GLIS1: variants seen among roughly 807,000 people sequenced by gnomAD.
GLIS1 encodes the protein zinc finger protein GLIS1.
GLIS1 carries 24 observed loss-of-function variants against 63.8 expected under a neutral mutation model. The ratio of observed to expected loss-of-function variants is 0.38; its 90% CI spans 0.27 to 0.53. GLIS1 has a LOEUF of 0.53. Among genes scored for constraint, GLIS1 ranks in the 20% least tolerant of loss-of-function variants. The pLI is 0.85. For synonymous variants in GLIS1, 450 were observed against 482.5 expected (o/e 0.93, Z 0.88); for missense variants, 1,036 against 1,074.1 (o/e 0.96, Z 0.50).
intron 2 of GLIS1, among the ~76,000 whole-genome samples, chr1:53,647,197 G>A (rs1645856168): frequency 6.6e-6 from 1 of 152,084 alleles, no homozygotes; most frequent in African/African-American, 2.4e-5. Context: ...ATCCCAGCAG[G>A]TTCTTTTTGT....
intron 2 of GLIS1, among the ~76,000 whole-genome samples, chr1:53,685,676 C>CT (rs1411681244): frequency 1.3e-5 from 2 of 152,316 alleles, no homozygotes; most frequent in Non-Finnish European, 2.9e-5. Context: ...CTGTGACTGT[C>CT]TCCCTCACCC....
At chr1:53,620,664 T>TA (rs952251613) in intron 2 of GLIS1, among the ~76,000 whole-genome samples, 1 of 152,110 alleles carries the variant, frequency 6.6e-6, no homozygotes, top group African/African-American at 2.4e-5. Context: ...AACATGGACA[T>TA]AAACAAGGAG....
At chr1:53,571,045 A>C (rs1201953568) in intron 4 of GLIS1, among the ~76,000 whole-genome samples, 2 of 152,256 alleles carry the variant, frequency 1.3e-5, no homozygotes, top group Non-Finnish European at 2.9e-5. Flanking sequence ...GAAAATATCA[A>C]GAATTCCTAT....
chr1:53,719,317 G>A (rs1244017911), intron 2 of GLIS1, among the ~76,000 whole-genome samples: 1 of 152,192 alleles, frequency 6.6e-6, no homozygotes, highest in African/African-American at 2.4e-5. Context: ...TCTCTCTTGA[G>A]TTGAGGTAAG....
chr1:53,635,545 G>A (rs1377259912), intron 2 of GLIS1, among the ~76,000 whole-genome samples: 1 of 147,402 alleles, frequency 6.8e-6, no homozygotes, highest in Non-Finnish European at 1.5e-5. Flanking sequence ...ACCACAAGAT[G>A]TTAAAAAAAA....
intron 2 of GLIS1, among the ~76,000 whole-genome samples, chr1:53,704,940 A>T (rs1297350757): frequency 6.6e-6 from 1 of 152,162 alleles, no homozygotes; most frequent in Non-Finnish European, 1.5e-5. Flanking sequence ...GGAGGCAGAA[A>T]AGAGAGTCTC....
intron 6 of GLIS1, among the ~76,000 whole-genome samples, chr1:53,524,270 C>T (rs1017895202): frequency 6.6e-6 from 1 of 152,210 alleles, no homozygotes; most frequent in Non-Finnish European, 1.5e-5. Flanking sequence ...ATGCCTGACG[C>T]CACTTCCTCC....
intron 2 of GLIS1, among the ~76,000 whole-genome samples, chr1:53,609,266 C>CTTTTTTTTTTTTTTTTTTTTTTTTTTT (rs1221426769): frequency 1.2e-5 from 1 of 81,378 alleles, no homozygotes; most frequent in Non-Finnish European, 2.1e-5. Context: ...GGGTTTAAAT[C>CTTTTTTTTTTTTTTTTTTTTTTTTTTT]TTTTTTTTTT....
intron 4 of GLIS1, among the ~76,000 whole-genome samples, chr1:53,554,370 C>T (rs1284415700): frequency 1.3e-5 from 2 of 152,034 alleles, no homozygotes; most frequent in Non-Finnish European, 2.9e-5. Flanking sequence ...GCCCCACCAA[C>T]CCCACCACAG....
At chr1:53,568,976 G>A (rs1644959439) in intron 4 of GLIS1, among the ~76,000 whole-genome samples, 1 of 152,146 alleles carries the variant, frequency 6.6e-6, no homozygotes, top group African/African-American at 2.4e-5. Flanking sequence ...ATTCAGTAGT[G>A]AAAAGGAATG....
chr1:53,556,099 G>GTA (rs1644820470), intron 4 of GLIS1, among the ~76,000 whole-genome samples: 1 of 102,344 alleles, frequency 9.8e-6, no homozygotes, highest in African/African-American at 3.6e-5. Context: ...TGTACTGCAG[G>GTA]TGTGTGTGTG....
intron 2 of GLIS1, among the ~76,000 whole-genome samples, chr1:53,667,911 A>G (rs1234337113): frequency 6.6e-6 from 1 of 152,190 alleles, no homozygotes; most frequent in Admixed American, 6.5e-5. Context: ...AAACCATTGT[A>G]CATGGCTTCA....
intron 2 of GLIS1, among the ~76,000 whole-genome samples, chr1:53,716,243 C>T (rs1201564219): frequency 1.3e-5 from 2 of 152,020 alleles, no homozygotes; most frequent in Non-Finnish European, 1.5e-5. Context: ...ACAGGTGGTT[C>T]GATCTTAACT....
chr1:53,685,993 C>G (rs1399501023), intron 2 of GLIS1, among the ~76,000 whole-genome samples: 1 of 152,214 alleles, frequency 6.6e-6, no homozygotes, highest in Non-Finnish European at 1.5e-5. Context: ...CCCTCCCCCT[C>G]TGCCCCTGCC....
chr1:53,663,969 C>CT (rs1414370776), intron 2 of GLIS1, among the ~76,000 whole-genome samples: 2 of 152,216 alleles, frequency 1.3e-5, no homozygotes, highest in Non-Finnish European at 2.9e-5. Flanking sequence ...CCACCCCTCC[C>CT]TTCTCACTGA....
chr1:53,599,913 T>G (rs966761640), intron 3 of GLIS1, among the ~76,000 whole-genome samples, 188 bp downstream of exon 3: 1 of 152,216 alleles, frequency 6.6e-6, no homozygotes, highest in Non-Finnish European at 1.5e-5. Context: ...AACAGAACCA[T>G]CTTGTGTCTC....
Position 53,650,799 on chromosome 1 carries a change from G to T in GLIS1, c.260-50521C>A, listed in dbSNP as rs2100326216. Among the ~76,000 whole-genome samples, 3 of 152,310 alleles carry T rather than the reference G, an allele frequency of 2.0e-5. No homozygotes were observed. In the South Asian group the frequency reaches 6.2e-4, roughly 32 times the overall value. ...GAATCAGGACGCTCCCCCAGTCCTG[G>T]GATCTCACCCCGTCTGCCCACTGCA... On this transcript the variant is annotated intron_variant, in intron 2 of 10. Coordinates refer to ENST00000628545, the MANE Select transcript of GLIS1 (RefSeq NM_001367484.1).
At chr1:53,599,945 G>A (rs1645298970) in intron 3 of GLIS1, among the ~76,000 whole-genome samples, 156 bp downstream of exon 3, 1 of 152,254 alleles carries the variant, frequency 6.6e-6, no homozygotes, top group South Asian at 2.1e-4. Context: ...AGCAGAAGGT[G>A]CAGGATCTAG....
chr1:53,711,946 C>G (rs983884180), intron 2 of GLIS1, among the ~76,000 whole-genome samples: 4 of 152,214 alleles, frequency 2.6e-5, no homozygotes, highest in African/African-American at 9.6e-5. Context: ...AGCATGGGAG[C>G]CTGCGGGTCT....
Sources: allele counts gnomAD v4.1 joint callset (sites outside exome capture counted in the v4.1 genomes callset), GRCh38; gene constraint gnomAD v4.1.1; transcripts MANE v1.5; gene names NCBI Gene and HGNC (gene_info 2026-07-23, HGNC 2026-07-21).